MIGA1: variants seen among roughly 807,000 people sequenced by gnomAD.
MIGA1 encodes mitoguardin 1.
Under a neutral mutation model 82.0 loss-of-function variants are expected in MIGA1, and 58 were observed. The observed-to-expected ratio is 0.71, with a 90% CI of 0.57 to 0.88. MIGA1 has a LOEUF of 0.88. MIGA1 is among the 40% of genes least tolerant of loss of function. The pLI is 0.00. For synonymous variants in MIGA1, 249 were observed against 253.6 expected (o/e 0.98, Z 0.17); for missense variants, 751 against 749.1 (o/e 1.00, Z -0.03).
intron 7 of MIGA1, among the ~76,000 whole-genome samples, chr1:77,828,981 A>C (rs920260526): frequency 2.0e-5 from 3 of 152,074 alleles, no homozygotes; most frequent in Admixed American, 2.0e-4. Context: ...CTGGTCCCAG[A>C]TATTTAATTT....
intron 8 of MIGA1, chr1:77,848,281 T>C (rs752352594): frequency 3.7e-6 from 5 of 1,335,686 alleles, no homozygotes; most frequent in East Asian, 2.5e-5. Context: ...GGGAGAAAGA[T>C]GGGGAGAAAT....
chr1:77,833,925 T>C (rs1373315054), intron 7 of MIGA1, among the ~76,000 whole-genome samples: 3 of 152,242 alleles, frequency 2.0e-5, no homozygotes, highest in African/African-American at 7.2e-5. Flanking sequence ...TCACTTTGCA[T>C]TGGCAGCTGT....
chr1:77,874,523 G>T (rs916787672), intron 15 of MIGA1, among the ~76,000 whole-genome samples: 5 of 152,222 alleles, frequency 3.3e-5, no homozygotes, highest in African/African-American at 9.6e-5. Context: ...AGAGTTTACA[G>T]GCACTTCTTA....
In MIGA1 at chr1:77,807,047, G is replaced by C. The variant is rs1221159498; in HGVS notation, c.583G>C (p.Asp195His). Residue 195 changes from aspartate (D) to histidine (H), a missense_variant, in exon 5 of 16, where the codon GAT (aspartate) becomes CAT (histidine). Asp to His is a moderately conservative substitution (Grantham distance 81, BLOSUM62 -1). This residue lies in a region of MIGA1 where 482 missense variants were observed against 439.4 expected (regional missense o/e 1.10). Coordinates refer to ENST00000370791, the MANE Select transcript of MIGA1 (RefSeq NM_198549.4). ...TTCCTGGGACAAAGCAGATGAAGAT[G>C]ATATTAAACTTGTTAATATTCCTGT... is the stretch of plus-strand genomic sequence containing the variant. 1 of 1,600,378 alleles carries C rather than the reference G, an allele frequency of 6.2e-7. No individual in the cohort carries two copies. The highest frequency in any genetic ancestry group is 8.6e-7 in the Non-Finnish European group (1 of 1,167,840).
intron 14 of MIGA1, 97 bp from the exon 15 acceptor site, chr1:77,872,907 A>G (rs1329390699): frequency 2.0e-6 from 3 of 1,496,804 alleles, no homozygotes; most frequent in South Asian, 2.4e-5. Flanking sequence ...TTAAACTCCC[A>G]CTGGTCATAT....
intron 5 of MIGA1, chr1:77,811,548 CT>C (rs1683328392): frequency 6.2e-7 from 1 of 1,607,748 alleles, no homozygotes; most frequent in Non-Finnish European, 8.5e-7. Context: ...ACTGTGTGGA[CT>C]GTAAAGCTGC....
At chr1:77,833,775 C>G (rs1180387161) in intron 7 of MIGA1, among the ~76,000 whole-genome samples, 1 of 152,210 alleles carries the variant, frequency 6.6e-6, no homozygotes, top group African/African-American at 2.4e-5. Flanking sequence ...AACTGCAGAC[C>G]TAATCTTAAT....
At chr1:77,869,571 GC>G in intron 14 of MIGA1, among the ~76,000 whole-genome samples, 1 of 141,386 alleles carries the variant, frequency 7.1e-6, no homozygotes, top group South Asian at 2.4e-4. Context: ...CGGGCGGGGG[GC>G]TGACCCCCCC....
intron 8 of MIGA1, chr1:77,847,511 A>G: frequency 6.9e-7 from 1 of 1,440,110 alleles, no homozygotes; most frequent in South Asian, 1.1e-5. Context: ...TGGAAAAGGA[A>G]ATACAGAGAG....
chr1:77,808,390 A>G (rs1683188767), intron 5 of MIGA1, among the ~76,000 whole-genome samples: 2 of 152,292 alleles, frequency 1.3e-5, no homozygotes, highest in Non-Finnish European at 1.5e-5. Context: ...GGTGACCATT[A>G]TTCAGCCTAC....
chr1:77,871,142 G>A (rs1222624439), intron 14 of MIGA1, among the ~76,000 whole-genome samples: 1 of 142,744 alleles, frequency 7.0e-6, no homozygotes, highest in Non-Finnish European at 1.5e-5. Context: ...GAGGGAGAGG[G>A]CAGCACATTT....
intron 8 of MIGA1, among the ~76,000 whole-genome samples, chr1:77,851,899 CAG>C (rs1400336457): frequency 4.9e-5 from 6 of 122,116 alleles, no homozygotes; most frequent in South Asian, 3.0e-4. Context: ...TTTTTTGAGA[CAG>C]AGTCTTACTC....
chr1:77,825,544 C>T (rs1018238209), intron 7 of MIGA1, among the ~76,000 whole-genome samples: 1 of 152,112 alleles, frequency 6.6e-6, no homozygotes, highest in Admixed American at 6.6e-5. Flanking sequence ...AAATATAAGT[C>T]AACACTTGCT....
chr1:77,847,261 A>G (rs1307225921), intron 8 of MIGA1: 1 of 1,010,438 alleles, frequency 9.9e-7, no homozygotes, highest in Admixed American at 1.7e-5. Flanking sequence ...AGCTGCTAAG[A>G]AGCAGGCCAT....
intron 14 of MIGA1, among the ~76,000 whole-genome samples, chr1:77,869,331 C>T (rs377186645): frequency 1.4e-4 from 20 of 146,584 alleles, no homozygotes; most frequent in Middle Eastern, 7.0e-3. Flanking sequence ...AAAAGTCTCC[C>T]ATGTCTACTT....
chr1:77,795,987 C>T (rs997111112), intron 2 of MIGA1, among the ~76,000 whole-genome samples: 55 of 152,022 alleles, frequency 3.6e-4, no homozygotes, highest in African/African-American at 1.3e-3. Flanking sequence ...CGTGTTTATT[C>T]AGCAGTGAGA....
chr1:77,782,381 C>CAAATAT (rs1681959962), intron 1 of MIGA1, among the ~76,000 whole-genome samples: 1 of 152,122 alleles, frequency 6.6e-6, no homozygotes, highest in African/African-American at 2.4e-5. Flanking sequence ...ATTAGTTCAG[C>CAAATAT]TTCCTATGGT....
chr1:77,815,334 T>A, intron 7 of MIGA1, 103 bp downstream of exon 7: 1 of 889,872 alleles, frequency 1.1e-6, no homozygotes, highest in Non-Finnish European at 1.5e-6. Flanking sequence ...ATAGGTTACT[T>A]AAAAAAAAAT....
chr1:77,781,815 C>T (rs941487076), intron 1 of MIGA1, among the ~76,000 whole-genome samples: 4 of 152,032 alleles, frequency 2.6e-5, no homozygotes, highest in African/African-American at 9.7e-5. Flanking sequence ...AGTAACCCAC[C>T]CTAAGAGGTA....
Sources: gnomAD v4.1 joint callset for allele counts (sites outside exome capture counted in the v4.1 genomes callset) on GRCh38, gnomAD v4.1.1 for gene constraint, gnomAD v4.1.1 regional missense constraint, MANE v1.5 for transcripts, NCBI Gene and HGNC (gene_info 2026-07-23, HGNC 2026-07-21) for gene names.